Variants in PARD3 observed in about 807,000 individuals in gnomAD.
PARD3 encodes partitioning defective 3 homolog.
In PARD3, 75 loss-of-function variants were observed where a neutral mutation model predicts 155.4. The ratio of observed to expected loss-of-function variants is 0.48; its 90% confidence interval spans 0.40 to 0.58. PARD3 has a LOEUF of 0.58. PARD3 is among the 20% of genes least tolerant of loss of function. The pLI is 0.00. For synonymous variants in PARD3, 576 were observed against 610.5 expected, an observed-to-expected ratio of 0.94 and a Z score of 0.83; for missense variants, 1,642 against 1,721.7, an observed-to-expected ratio of 0.95 and a Z score of 0.82.
chr10:34,198,078 C>T (rs543823955), intron 22 of PARD3, among the ~76,000 whole-genome samples: 1 of 152,316 alleles, frequency 6.6e-6, no homozygotes, highest in South Asian at 2.1e-4. Context: ...GTTTTCGGAC[C>T]TTGCTATTCA....
chr10:34,551,320 G>C (rs998435721), intron 2 of PARD3, among the ~76,000 whole-genome samples: 1 of 152,158 alleles, frequency 6.6e-6, no homozygotes, highest in Non-Finnish European at 1.5e-5. Context: ...TGTGGACTCA[G>C]TCAATTTTAA....
chr10:34,335,973 C>A (rs539944616), intron 18 of PARD3, among the ~76,000 whole-genome samples: 61 of 152,074 alleles, frequency 4.0e-4, no homozygotes, highest in South Asian at 1.2e-3. Context: ...TGTTTCTAGC[C>A]TTTTTGAAGC....
chr10:34,375,094 A>ACACT (rs1491175007), intron 10 of PARD3, 92 bp from the exon 11 acceptor site: 4 of 834,768 alleles, frequency 4.8e-6, no homozygotes, highest in Admixed American at 2.4e-5. Context: ...ACACACACAC[A>ACACT]CTCTAGGACT....
At chr10:34,212,735 T>C (rs1951816828) in intron 22 of PARD3, among the ~76,000 whole-genome samples, 1 of 152,050 alleles carries the variant, frequency 6.6e-6, no homozygotes, top group South Asian at 2.1e-4. Flanking sequence ...AAGCCATTAA[T>C]AAATCAGGAG....
At chr10:34,421,076 G>A (rs769383925) in intron 5 of PARD3, among the ~76,000 whole-genome samples, 1 of 152,160 alleles carries the variant, frequency 6.6e-6, no homozygotes, top group Non-Finnish European at 1.5e-5. Flanking sequence ...TCAAGAGGCT[G>A]AGGTGGAACT....
chr10:34,360,794 A>C (rs1839365361), intron 12 of PARD3, among the ~76,000 whole-genome samples: 1 of 152,196 alleles, frequency 6.6e-6, no homozygotes. Flanking sequence ...TCTAACATCA[A>C]CATCTGTGAG....
rs571968936 is a variant in PARD3, at chr10:34,807,651, G to A, written c.120+7225C>T. Among the ~76,000 whole-genome samples, 4 of 151,320 alleles carry A rather than the reference G, an allele frequency of 2.6e-5. No homozygotes were observed. The East Asian group carries it at 7.7e-4, about 29-fold the overall frequency. The stretch of plus-strand genomic sequence containing the variant: ...ATGAACACTGATGTACAGGTTTTGT[G>A]TACACATTTTCATTTCTCTTGTGTG... On this transcript the variant is annotated intron_variant, in intron 1 of 24. Coordinates refer to ENST00000374788, the MANE Select transcript of PARD3 (RefSeq NM_001184785.2).
intron 1 of PARD3, among the ~76,000 whole-genome samples, chr10:34,701,868 A>C (rs1231853416): frequency 1.3e-5 from 2 of 152,102 alleles, no homozygotes; most frequent in African/African-American, 4.8e-5. Context: ...AAATATAATA[A>C]TAAAACAATT....
chr10:34,123,851 G>A (rs1453305931), intron 23 of PARD3, among the ~76,000 whole-genome samples: 1 of 152,064 alleles, frequency 6.6e-6, no homozygotes, highest in Non-Finnish European at 1.5e-5. Context: ...AGTTAACAGA[G>A]TAAAGAACAA....
intron 17 of PARD3, 164 bp from the exon 18 acceptor site, chr10:34,336,407 A>G: frequency 3.5e-6 from 2 of 570,122 alleles, no homozygotes; most frequent in Non-Finnish European, 3.1e-6. Context: ...AAGGAGGAAA[A>G]AAAAGCAGTG....
chr10:34,145,212 TATATA>T (rs1321760332), intron 22 of PARD3, among the ~76,000 whole-genome samples: 19 of 75,746 alleles, frequency 2.5e-4, no homozygotes, highest in Admixed American at 7.6e-4. Flanking sequence ...TATATATATA[TATATA>T]TATATTTTTT....
intron 1 of PARD3, among the ~76,000 whole-genome samples, chr10:34,739,728 T>G (rs2094974934): frequency 6.6e-6 from 1 of 152,180 alleles, no homozygotes; most frequent in South Asian, 2.1e-4. Context: ...TAGGAATGCA[T>G]CCTAAACTAC....
chr10:34,372,232 G>A (rs1840751472), intron 12 of PARD3, among the ~76,000 whole-genome samples: 1 of 151,880 alleles, frequency 6.6e-6, no homozygotes, highest in Admixed American at 6.6e-5. Flanking sequence ...AAACAACTAA[G>A]CTTTGGTCCT....
chr10:34,784,455 T>C (rs932337735), intron 1 of PARD3, among the ~76,000 whole-genome samples: 2 of 130,392 alleles, frequency 1.5e-5, no homozygotes, highest in Non-Finnish European at 3.1e-5. Flanking sequence ...TTTTTTTTTT[T>C]TGGAGACGGA....
chr10:34,115,082 A>G (rs1946591688), intron 24 of PARD3, among the ~76,000 whole-genome samples: 2 of 152,190 alleles, frequency 1.3e-5, no homozygotes. Context: ...TGCCCGAGGA[A>G]AGCCATTAAG....
chr10:34,486,536 G>C (rs1252552949), intron 3 of PARD3, among the ~76,000 whole-genome samples: 1 of 152,204 alleles, frequency 6.6e-6, no homozygotes, highest in African/African-American at 2.4e-5. Flanking sequence ...GAAACTACAA[G>C]AAATTCAGTA....
intron 2 of PARD3, among the ~76,000 whole-genome samples, chr10:34,687,463 C>T (rs1327943457): frequency 6.6e-6 from 1 of 152,160 alleles, no homozygotes; most frequent in Non-Finnish European, 1.5e-5. Flanking sequence ...CATCAACAGG[C>T]TTAGCAGCCA....
At chr10:34,159,879 T>C (rs1274482) in intron 22 of PARD3, among the ~76,000 whole-genome samples, 88,705 of 152,058 alleles carry the variant, frequency 0.58, 26,293 homozygotes, top group African/African-American at 0.67. Context: ...ACAGAGTGCA[T>C]ACTTTTCATC....
chr10:34,475,197 TTAA>T (rs1451618678), intron 3 of PARD3, among the ~76,000 whole-genome samples: 4 of 152,182 alleles, frequency 2.6e-5, no homozygotes, highest in East Asian at 3.8e-4. Flanking sequence ...TTAATTCACT[TTAA>T]TAATAATAAA....
Sources: gnomAD v4.1 joint callset for allele counts (sites outside exome capture counted in the v4.1 genomes callset) on GRCh38, gnomAD v4.1.1 for gene constraint, MANE v1.5 for transcripts, NCBI Gene and HGNC (gene_info 2026-07-23, HGNC 2026-07-21) for gene names.